Variants in LBX2 observed in about 807,000 individuals in gnomAD.
LBX2 encodes the protein transcription factor LBX2.
In LBX2, 6 loss-of-function variants were observed where a neutral mutation model predicts 7.5. The ratio of observed to expected loss-of-function variants is 0.80; its 90% CI spans 0.44 to 1.59. The LOEUF (loss-of-function observed/expected upper bound fraction) is 1.59, where lower values mean the gene tolerates loss of function less well. LBX2 is among the 40% of genes most tolerant of loss of function. LBX2 has a pLI of 0.01. For missense variants in LBX2, 281 were observed against 282.0 expected, an observed-to-expected ratio of 1.00 and a Z score of 0.03; for synonymous variants, 143 against 133.2, an observed-to-expected ratio of 1.07 and a Z score of -0.51.
upstream of LBX2, among the ~76,000 whole-genome samples, chr2:74,499,925 T>G (rs957978128): frequency 1.3e-5 from 2 of 152,156 alleles, no homozygotes; most frequent in Non-Finnish European, 2.9e-5. The surrounding 1 kb of genome is among the most constrained non-coding windows in gnomAD (Gnocchi z 4.6). Flanking sequence ...CATAAACTAG[T>G]AGACGATAAA....
At chr2:74,502,427 A>G, upstream of LBX2, 3 of 555,644 alleles carry the variant, frequency 5.4e-6, no homozygotes, top group South Asian at 7.1e-5. This position sits in a 1 kb window ranked among gnomAD's most constrained non-coding sequence, Gnocchi z 5.4. Flanking sequence ...GGACCCTCGG[A>G]ATAACCCCCT....
chr2:74,502,753 C>T (rs753481950), upstream of LBX2: 4 of 1,614,130 alleles, frequency 2.5e-6, 1 homozygote, highest in Admixed American at 6.7e-5. This position sits in a 1 kb window ranked among gnomAD's most constrained non-coding sequence, Gnocchi z 5.4. Flanking sequence ...CCCTCCCGGG[C>T]GTGCGGGCCG....
upstream of LBX2, chr2:74,503,078 C>T (rs2104308033): frequency 3.9e-6 from 2 of 507,718 alleles, no homozygotes; most frequent in Admixed American, 7.7e-5. This position sits in a 1 kb window ranked among gnomAD's most constrained non-coding sequence, Gnocchi z 5.1. Context: ...CAGACGGCGC[C>T]CTGGGGTGGT....
At chr2:74,502,437 T>C (rs894009841), upstream of LBX2, 1 of 573,328 alleles carries the variant, frequency 1.7e-6, no homozygotes, top group Admixed American at 3.2e-5. The surrounding 1 kb of genome is among the most constrained non-coding windows in gnomAD (Gnocchi z 5.4). Context: ...AATAACCCCC[T>C]TGGGGAGGTG....
rs1674400741 is a variant in LBX2, at chr2:74,498,161, T to C, written c.363A>G (p.Arg121=). The C allele has an allele frequency of 6.2e-7, 1 of 1,612,214 alleles. No individual in the cohort carries two copies. Among genetic ancestry groups the C allele is most frequent in the African/African-American group, 1.3e-5 (1 of 74,904 alleles). Residue 121 remains arginine (R), a synonymous_variant, in exon 2 of 2, where the codon CGA becomes CGG. Coordinates refer to ENST00000377566, the MANE Select transcript of LBX2 (RefSeq NM_001282430.2). ...CCACCTGCGCGTTGGCCAGGCCGAG[T>C]CGCGTAGCTAGCCCGTCTCGCTCGG... The part of the protein sequence containing the change: ...APSERDGLAT[R]LGLANAQVVT...
chr2:74,499,568 C>A lies in LBX2; in HGVS notation c.-31G>T, dbSNP rs925996676. 1.3e-6 allele frequency: 2 copies of A among 1,537,988 alleles called. No homozygotes were observed. Among genetic ancestry groups the A allele is most frequent in the Non-Finnish European group, 8.8e-7 (1 of 1,139,010 alleles). On this transcript the variant is annotated 5_prime_UTR_variant, in exon 1 of 2. Transcript: ENST00000377566. This position sits in a 1 kb window ranked among gnomAD's most constrained non-coding sequence, Gnocchi z 4.6. ...GCCGGGCTGGGGCGGTCCGGCTGTCCGTTGCGCTAGGCTCCGCAAACGCCT... is the reference window on the plus strand; with the variant it reads ...GCCGGGCTGGGGCGGTCCGGCTGTCAGTTGCGCTAGGCTCCGCAAACGCCT...
chr2:74,500,330 G>A (rs1369201182), upstream of LBX2, among the ~76,000 whole-genome samples: 1 of 152,168 alleles, frequency 6.6e-6, no homozygotes, highest in Non-Finnish European at 1.5e-5. Context: ...CTGCCCAGGA[G>A]GGGTCTTTGT....
chr2:74,502,971 G>A (rs900772100), upstream of LBX2: 4 of 931,546 alleles, frequency 4.3e-6, no homozygotes, highest in Non-Finnish European at 6.3e-6. The surrounding 1 kb of genome is among the most constrained non-coding windows in gnomAD (Gnocchi z 5.4). Context: ...TGGAAATGGC[G>A]GGGGTGAGGA....
chr2:74,502,792 C>T (rs750848586), upstream of LBX2: 73 of 1,614,074 alleles, frequency 4.5e-5, 1 homozygote, highest in East Asian at 8.5e-4. The surrounding 1 kb of genome is among the most constrained non-coding windows in gnomAD (Gnocchi z 5.4). Context: ...GAAACTCCGA[C>T]GCCCTCCTCG....
At chr2:74,502,588 C>T (rs1202549803), upstream of LBX2, 10 of 1,445,586 alleles carry the variant, frequency 6.9e-6, no homozygotes, top group Non-Finnish European at 8.7e-6. The surrounding 1 kb of genome is among the most constrained non-coding windows in gnomAD (Gnocchi z 5.4). Context: ...CCGTCCGTCC[C>T]GCACACTTCT....
upstream of LBX2, chr2:74,502,343 A>C: frequency 2.8e-6 from 1 of 357,214 alleles, no homozygotes; most frequent in Non-Finnish European, 5.1e-6. The surrounding 1 kb of genome is among the most constrained non-coding windows in gnomAD (Gnocchi z 5.4). Context: ...AGGCCTGCTC[A>C]ATAAACGACC....
chr2:74,502,974 G>T (rs1479644256), upstream of LBX2: 2 of 871,646 alleles, frequency 2.3e-6, no homozygotes, highest in East Asian at 5.5e-5. This position sits in a 1 kb window ranked among gnomAD's most constrained non-coding sequence, Gnocchi z 5.4. Context: ...AAATGGCGGG[G>T]GTGAGGAAGG....
chr2:74,497,873 C>T lies in LBX2; in HGVS notation c.*54G>A. The T allele has an allele frequency of 1.4e-6, 2 of 1,473,530 alleles. No individual in the cohort carries two copies. Among genetic ancestry groups the T allele is most frequent in the Non-Finnish European group, 1.8e-6 (2 of 1,111,234 alleles). 91.3% of individuals were successfully genotyped at this position (1,473,530 alleles called of 1,614,324 possible). On this transcript the variant is annotated 3_prime_UTR_variant, in exon 2 of 2. Transcript: ENST00000377566. ...CCTGGAACTCTGGCCAGAGGCAGAG[C>T]GCGAGGTGAGGAGTCCAGGGCCCCA...
chr2:74,500,786 A>C (rs1446832557), upstream of LBX2, among the ~76,000 whole-genome samples: 1 of 152,216 alleles, frequency 6.6e-6, no homozygotes, highest in Non-Finnish European at 1.5e-5. Context: ...TTCACACCTT[A>C]GAGCAGGGAA....
chr2:74,499,604 G>A (rs1358798557), upstream of LBX2: 12 of 1,473,440 alleles, frequency 8.1e-6, no homozygotes, highest in Non-Finnish European at 1.1e-5. This position sits in a 1 kb window ranked among gnomAD's most constrained non-coding sequence, Gnocchi z 4.6. Context: ...GGGCCCCAGT[G>A]CTCGGCTCCC....
chr2:74,502,967 T>C, upstream of LBX2: 2 of 950,018 alleles, frequency 2.1e-6, no homozygotes, highest in Non-Finnish European at 3.1e-6. The surrounding 1 kb of genome is among the most constrained non-coding windows in gnomAD (Gnocchi z 5.4). Context: ...GTCCTGGAAA[T>C]GGCGGGGGTG....
Position 74,498,465 on chromosome 2 carries a change from C to T in LBX2, c.206-147G>A. ...CGGACGGAGACCAGAACTGTGATCCCTTATCGGGAGTCAGGCCCAGGTGGG... is the reference window on the plus strand; with the variant it reads ...CGGACGGAGACCAGAACTGTGATCCTTTATCGGGAGTCAGGCCCAGGTGGG... On this transcript the variant is annotated intron_variant, in intron 1 of 1. Transcript: ENST00000377566. 4.4e-6 allele frequency: 3 copies of T among 686,212 alleles called. 1 individual carries two copies. Among genetic ancestry groups the T allele is most frequent in the Middle Eastern group, 4.1e-4 (1 of 2,438 alleles). The allele number at this position is 686,212 out of a possible 1,614,324, so 42.5% of individuals were successfully genotyped here.
At position 74,498,123 on chromosome 2, in the gene LBX2, T is replaced by C. The variant is rs759314241; in HGVS notation, c.401A>G (p.Gln134Arg). ...LANAQVVTWF[Q>R]NRRAKLKRDV... ...GCGCTTGAGCTTGGCTCGCCGGTTC[T>C]GGAACCAAGTGACCACCTGCGCGTT... The change falls in exon 2 of 2, where the codon CAG (glutamine) becomes CGG (arginine). Residue 134 changes from glutamine (Q) to arginine (R), a missense_variant. By Grantham distance (43) the Gln-to-Arg change is conservative. Transcript: ENST00000377566. 2 of 1,612,262 alleles carry C rather than the reference T, an allele frequency of 1.2e-6. No homozygotes were observed. Among genetic ancestry groups the C allele is most frequent in the Non-Finnish European group, 1.7e-6 (2 of 1,179,138 alleles).
At position 74,497,978 on chromosome 2, in the gene LBX2, G is replaced by A; in HGVS notation, c.546C>T (p.Gly182=). ...CTGACAGGTGGGGCCGGGAGTCAGGGCCGGCAGGGCCGAGGCAGAGGCCGG... is the reference window on the plus strand; with the variant it reads ...CTGACAGGTGGGGCCGGGAGTCAGGACCGGCAGGGCCGAGGCAGAGGCCGG... ...PDPGLCLGPA[G]PDSRPHLSDE... is the part of the protein sequence containing the mutation. Residue 182 remains glycine (G), a synonymous_variant, in exon 2 of 2, where the codon GGC becomes GGT. Coordinates refer to ENST00000377566, the MANE Select transcript of LBX2 (RefSeq NM_001282430.2). The A allele has an allele frequency of 6.2e-7, 1 of 1,604,390 alleles. No homozygotes were observed.
Sources: allele counts gnomAD v4.1 joint callset (sites outside exome capture counted in the v4.1 genomes callset), GRCh38; gene constraint gnomAD v4.1.1; non-coding constraint Gnocchi (gnomAD v3.1); transcripts MANE v1.5; gene names NCBI Gene and HGNC (gene_info 2026-07-23, HGNC 2026-07-21).